The following ZFYVE9 variants were observed in gnomAD, a reference collection of about 807,000 sequenced individuals.
ZFYVE9 encodes the protein zinc finger FYVE domain-containing protein 9.
Under a neutral mutation model 126.7 loss-of-function variants are expected in ZFYVE9, and 43 were observed. The observed-to-expected ratio is 0.34, with a 90% CI of 0.27 to 0.44. ZFYVE9 has a LOEUF of 0.44. Among genes scored for constraint, ZFYVE9 ranks in the 20% least tolerant of loss-of-function variants. ZFYVE9 has a pLI of 1.00. For synonymous variants in ZFYVE9, 521 were observed against 597.4 expected (o/e 0.87, Z 1.87); for missense variants, 1,476 against 1,697.0 (o/e 0.87, Z 2.29).
At chr1:52,296,942 G>C (rs1296303454) in intron 12 of ZFYVE9, among the ~76,000 whole-genome samples, 1 of 152,148 alleles carries the variant, frequency 6.6e-6, no homozygotes. Flanking sequence ...GAGCAGCTGT[G>C]ACTATGGGAG....
chr1:52,219,804 G>GTGTGTGTGTGT (rs1553126056), intron 2 of ZFYVE9, among the ~76,000 whole-genome samples: 7 of 88,146 alleles, frequency 7.9e-5, no homozygotes, highest in African/African-American at 2.9e-4. Context: ...TGTGTGTGTG[G>GTGTGTGTGTGT]CAGAGTCTTA....
At chr1:52,195,672 G>A (rs1204428471) in intron 1 of ZFYVE9, among the ~76,000 whole-genome samples, 1 of 44,260 alleles carries the variant, frequency 2.3e-5, no homozygotes, top group Non-Finnish European at 7.7e-5. Flanking sequence ...CTGCAAAATA[G>A]ACACAGAGTG....
chr1:52,159,036 C>T (rs1355476756), intron 1 of ZFYVE9, among the ~76,000 whole-genome samples: 3 of 152,186 alleles, frequency 2.0e-5, no homozygotes, highest in Non-Finnish European at 2.9e-5. Context: ...TCGTGATCCG[C>T]CCGCCTCGGC....
chr1:52,237,757 C>G lies in ZFYVE9; in HGVS notation c.340C>G (p.Gln114Glu). The G allele has an allele frequency of 6.2e-7, 1 of 1,614,016 alleles. No homozygotes were observed. Among genetic ancestry groups the G allele is most frequent in the South Asian group, 1.1e-5 (1 of 91,070 alleles). The change falls in exon 4 of 19, where the codon CAG becomes GAG. Residue 114 changes from glutamine (Q) to glutamate (E), a missense_variant. Physicochemically the swap from Gln to Glu is conservative, Grantham distance 29. Around this residue, in one of 2 missense-constraint regions of ZFYVE9, gnomAD observed 807 missense variants for 794.6 expected, o/e 1.02. Coordinates refer to ENST00000287727, the MANE Select transcript of ZFYVE9 (RefSeq NM_004799.4). Reference protein sequence around the residue: ...WIDENAVAEDQLIKRNYSWDD... With the variant: ...WIDENAVAEDELIKRNYSWDD... ...TGATGAAAATGCTGTTGCAGAAGAC[C>G]AGTTAATTAAGAGAAACTATAGTTG...
intron 1 of ZFYVE9, among the ~76,000 whole-genome samples, chr1:52,163,585 C>T (rs1220728531): frequency 6.6e-6 from 1 of 152,082 alleles, no homozygotes; most frequent in Non-Finnish European, 1.5e-5. Flanking sequence ...TTAGATCTTT[C>T]GAATACTGAT....
intron 4 of ZFYVE9, chr1:52,253,656 C>T (rs1645474117): frequency 1.9e-6 from 3 of 1,553,400 alleles, no homozygotes; most frequent in East Asian, 2.2e-5. Flanking sequence ...CTGGTACTGA[C>T]CCTGAGCAGT....
At chr1:52,213,790 G>A (rs1645048255) in intron 1 of ZFYVE9, among the ~76,000 whole-genome samples, 1 of 152,140 alleles carries the variant, frequency 6.6e-6, no homozygotes, top group South Asian at 2.1e-4. Flanking sequence ...AATGGAAAGA[G>A]TGAAGGTCTT....
intron 4 of ZFYVE9, among the ~76,000 whole-genome samples, chr1:52,244,079 T>G (rs1645360690): frequency 6.6e-6 from 1 of 152,194 alleles, no homozygotes; most frequent in Admixed American, 6.5e-5. Flanking sequence ...CCATTGGACT[T>G]GGCTATAACA....
At chr1:52,230,814 C>T (rs1282186328) in intron 2 of ZFYVE9, among the ~76,000 whole-genome samples, 1 of 152,178 alleles carries the variant, frequency 6.6e-6, no homozygotes, top group African/African-American at 2.4e-5. Context: ...TAGCACTTAT[C>T]TGTTAATTTT....
At chr1:52,232,728 C>CAAAAAAAAAAAA (rs552213191) in intron 2 of ZFYVE9, among the ~76,000 whole-genome samples, 1 of 27,344 alleles carries the variant, frequency 3.7e-5, no homozygotes, top group African/African-American at 1.0e-4. Flanking sequence ...GACTCTGTCT[C>CAAAAAAAAAAAA]AAAAAAAAAA....
intron 1 of ZFYVE9, among the ~76,000 whole-genome samples, chr1:52,206,844 G>A (rs186735244): frequency 6.8e-4 from 103 of 152,244 alleles, no homozygotes; most frequent in African/African-American, 2.2e-3. Context: ...ACCACTGTGC[G>A]CGGCCCGGAG....
At chr1:52,180,612 A>T (rs567226267) in intron 1 of ZFYVE9, 28 of 541,010 alleles carry the variant, frequency 5.2e-5, no homozygotes, top group Middle Eastern at 5.1e-4. Context: ...AAAAAAGGAT[A>T]AAGTAAGAAT....
chr1:52,218,436 C>T (rs2124598835), intron 2 of ZFYVE9, among the ~76,000 whole-genome samples: 1 of 152,316 alleles, frequency 6.6e-6, no homozygotes, highest in Non-Finnish European at 1.5e-5. Context: ...AGTTGAATGG[C>T]CCTTGGGGGC....
rs773836104 is a variant in ZFYVE9 at position 52,239,469 on chromosome 1, G to A, written c.2052G>A (p.Lys684=). 3 of 1,614,162 alleles carry A rather than the reference G, an allele frequency of 1.9e-6. No homozygotes were observed. The South Asian group carries it at 3.3e-5, about 18-fold the overall frequency. ...RAGQFGISAR[K]PFTTLGEVAP... ...GTCAGTTTGGAATTTCTGCCAGAAA[G>A]CCATTCACCACTCTGGGTGAGGTGG... The change falls in exon 4 of 19, where the codon AAG becomes AAA. Residue 684 remains lysine (K), a synonymous_variant. Coordinates refer to ENST00000287727, the MANE Select transcript of ZFYVE9 (RefSeq NM_004799.4).
intron 4 of ZFYVE9, among the ~76,000 whole-genome samples, chr1:52,250,162 T>G (rs1468105755): frequency 1.3e-5 from 2 of 152,182 alleles, no homozygotes; most frequent in African/African-American, 4.8e-5. Flanking sequence ...ATGGTTAGGG[T>G]TTTGATAGAG....
rs550579568 is a variant in ZFYVE9, at chr1:52,238,567, A to G, written c.1150A>G (p.Thr384Ala). 1 of 1,614,110 alleles carries G rather than the reference A, an allele frequency of 6.2e-7. No homozygotes were observed. The highest frequency in any genetic ancestry group is 8.5e-7 in the Non-Finnish European group (1 of 1,179,964). ...TGAACATGAAGAAACTCTTGGCACTACAGAATTCCTTAATATGACAGAGCA... is the reference window on the plus strand; with the variant it reads ...TGAACATGAAGAAACTCTTGGCACTGCAGAATTCCTTAATATGACAGAGCA... ...GYEHEETLGT[T>A]EFLNMTEHFS... The change falls in exon 4 of 19, where the codon ACA (threonine) becomes GCA (alanine). Residue 384 changes from threonine to alanine, a missense_variant. Coordinates refer to ENST00000287727, the MANE Select transcript of ZFYVE9 (RefSeq NM_004799.4).
intron 4 of ZFYVE9, among the ~76,000 whole-genome samples, chr1:52,244,335 A>T (rs1645363272): frequency 6.6e-6 from 1 of 152,136 alleles, no homozygotes; most frequent in African/African-American, 2.4e-5. Flanking sequence ...AAGTTTTAGG[A>T]GAAAGGGAGG....
intron 4 of ZFYVE9, among the ~76,000 whole-genome samples, chr1:52,245,290 CTG>C (rs1330119408): frequency 4.0e-5 from 6 of 151,736 alleles, no homozygotes; most frequent in Admixed American, 1.3e-4. Context: ...AATGGGCCTC[CTG>C]GTAAAACATA....
chr1:52,229,210 T>A (rs934413738), intron 2 of ZFYVE9, among the ~76,000 whole-genome samples: 1 of 152,184 alleles, frequency 6.6e-6, no homozygotes, highest in Non-Finnish European at 1.5e-5. Context: ...ACAGAATGTC[T>A]CACATTCTAG....
Sources: gnomAD v4.1 joint callset for allele counts (sites outside exome capture counted in the v4.1 genomes callset) on GRCh38, gnomAD v4.1.1 for gene constraint, gnomAD v4.1.1 regional missense constraint, MANE v1.5 for transcripts, NCBI Gene and HGNC (gene_info 2026-07-23, HGNC 2026-07-21) for gene names.